KANK1: variants seen among roughly 807,000 people sequenced by gnomAD.
The protein encoded by KANK1 is KN motif and ankyrin repeat domains 1, also known as KN motif and ankyrin repeat domain-containing protein 1.
A neutral mutation model predicts 106.2 loss-of-function variants in KANK1; 109 were observed. The observed-to-expected ratio is 1.03, with a 90% confidence interval of 0.88 to 1.20. The LOEUF (loss-of-function observed/expected upper bound fraction) is 1.20, where lower values mean the gene tolerates loss of function less well. Ranked by LOEUF, KANK1 falls within the 50% of genes most tolerant of loss-of-function variation. The pLI, the probability that KANK1 is intolerant of heterozygous loss-of-function variation, is 0.00. For missense variants in KANK1, 2,399 were observed against 1,710.7 expected (o/e 1.40, Z -7.10); for synonymous variants, 873 against 652.2 (o/e 1.34, Z -5.16).
rs570164658 is a variant in KANK1 at position 727,920 on chromosome 9, A to G, written c.2699-2131A>G. ...TCCCTCCTGTCAGCCAGGGGATTCC[A>G]TAGTAAACCTGAAAAACTAGTTCAG... is the stretch of plus-strand genomic sequence containing the variant. On this transcript the variant is annotated intron_variant, in intron 3 of 11. Coordinates refer to ENST00000382297, the MANE Select transcript of KANK1 (RefSeq NM_015158.5). 5.3e-5 allele frequency among the ~76,000 whole-genome samples: 8 copies of G among 152,296 alleles called. No individual in the cohort carries two copies. The South Asian group carries it at 1.2e-3, about 24-fold the overall frequency.
intron 1 of KANK1, among the ~76,000 whole-genome samples, chr9:574,060 T>C (rs1819897980): frequency 6.6e-6 from 1 of 152,270 alleles, no homozygotes; most frequent in Non-Finnish European, 1.5e-5. Flanking sequence ...TTTGTCTTTA[T>C]TGTACTGGAA....
intron 3 of KANK1, among the ~76,000 whole-genome samples, chr9:722,124 C>G (rs1372436872): frequency 6.6e-6 from 1 of 152,210 alleles, no homozygotes; most frequent in African/African-American, 2.4e-5. Flanking sequence ...GCCAAGCTAA[C>G]TGTGGGTAGA....
chr9:603,644 G>C (rs1026070706), intron 1 of KANK1, among the ~76,000 whole-genome samples: 1 of 151,416 alleles, frequency 6.6e-6, no homozygotes, highest in Non-Finnish European at 1.5e-5. Flanking sequence ...TAATATACTC[G>C]TTTGAATTTT....
At chr9:534,937 C>A (rs141861281) in intron 1 of KANK1, among the ~76,000 whole-genome samples, 2 of 152,118 alleles carry the variant, frequency 1.3e-5, no homozygotes, top group East Asian at 3.9e-4. Context: ...GAGGTTGGGC[C>A]GAGGGGAAGC....
intron 7 of KANK1, chr9:735,878 C>A (rs563474907): frequency 2.7e-5 from 7 of 259,064 alleles, no homozygotes; most frequent in African/African-American, 6.5e-5. Flanking sequence ...CCGTGTAATC[C>A]CAGTTACTCG....
intron 1 of KANK1, among the ~76,000 whole-genome samples, chr9:533,541 C>G (rs2060160312): frequency 6.6e-6 from 1 of 152,216 alleles, no homozygotes; most frequent in Non-Finnish European, 1.5e-5. Flanking sequence ...CTCCAAAACA[C>G]TCTTAGACCA....
intron 1 of KANK1, among the ~76,000 whole-genome samples, chr9:506,361 G>C (rs1463853614): frequency 6.6e-6 from 1 of 152,196 alleles, no homozygotes; most frequent in Non-Finnish European, 1.5e-5. Context: ...AATGAATAAG[G>C]ATGGAAGAGA....
chr9:495,300 A>C (rs1344651902), intron 3 of KANK1: 1 of 152,224 alleles, frequency 6.6e-6, no homozygotes, highest in Non-Finnish European at 1.5e-5. Context: ...AGAAGAAAAA[A>C]GTTGACTTAA....
intron 1 of KANK1, among the ~76,000 whole-genome samples, chr9:603,898 G>T (rs540308048): frequency 6.8e-6 from 1 of 147,886 alleles, no homozygotes; most frequent in South Asian, 2.1e-4. Flanking sequence ...GGCAGAGGTT[G>T]CAGTGAGCCA....
intron 1 of KANK1, among the ~76,000 whole-genome samples, chr9:514,536 A>G (rs779256025): frequency 2.0e-5 from 3 of 150,930 alleles, no homozygotes; most frequent in Non-Finnish European, 4.4e-5. Context: ...TCAGTTTTTG[A>G]ACTTTATGTA....
intron 1 of KANK1, among the ~76,000 whole-genome samples, chr9:611,590 G>A (rs1394367911): frequency 2.6e-5 from 4 of 152,204 alleles, no homozygotes; most frequent in African/African-American, 9.7e-5. Flanking sequence ...TTAGATAGGA[G>A]TGTGTCTAAA....
At chr9:520,641 A>C (rs887075399) in intron 1 of KANK1, among the ~76,000 whole-genome samples, 1 of 151,838 alleles carries the variant, frequency 6.6e-6, no homozygotes, top group African/African-American at 2.4e-5. Context: ...CTGATTCAGA[A>C]ATAGTTTTTA....
At chr9:691,630 T>TTTTTTTTTTTG in intron 2 of KANK1, among the ~76,000 whole-genome samples, 1 of 147,598 alleles carries the variant, frequency 6.8e-6, no homozygotes, top group South Asian at 2.1e-4. Context: ...TTTTTTTTTT[T>TTTTTTTTTTTG]GAGACCAGAG....
At chr9:663,350 AAC>A (rs1474039433) in intron 1 of KANK1, among the ~76,000 whole-genome samples, 5 of 152,202 alleles carry the variant, frequency 3.3e-5, no homozygotes, top group Non-Finnish European at 7.3e-5. Flanking sequence ...AGACCCCACT[AAC>A]ACAGTCATAT....
intron 1 of KANK1, among the ~76,000 whole-genome samples, chr9:510,169 A>G (rs1463398889): frequency 6.6e-6 from 1 of 152,106 alleles, no homozygotes; most frequent in Non-Finnish European, 1.5e-5. Context: ...CATTGGGTTA[A>G]ATTGCAATTC....
chr9:623,088 G>A (rs1043999843), intron 1 of KANK1, among the ~76,000 whole-genome samples: 7 of 151,964 alleles, frequency 4.6e-5, no homozygotes, highest in South Asian at 4.2e-4. Context: ...GCTTCTGCAC[G>A]GCAAAGGAAA....
chr9:743,952 G>T (rs1317991770), intron 10 of KANK1, among the ~76,000 whole-genome samples: 1 of 152,192 alleles, frequency 6.6e-6, no homozygotes, highest in Non-Finnish European at 1.5e-5. Context: ...AAATCAAGCA[G>T]TTAAGTGAAG....
At chr9:592,235 G>T (rs1357507606) in intron 1 of KANK1, among the ~76,000 whole-genome samples, 1 of 151,836 alleles carries the variant, frequency 6.6e-6, no homozygotes. Flanking sequence ...ATAATAAGGG[G>T]ATGTAAAGGA....
intron 2 of KANK1, among the ~76,000 whole-genome samples, chr9:690,023 C>T (rs1281223261): frequency 6.6e-6 from 1 of 150,786 alleles, no homozygotes; most frequent in Non-Finnish European, 1.5e-5. Context: ...CACGGTGGCT[C>T]ATGCCTGTAA....
Sources: allele counts gnomAD v4.1 joint callset (sites outside exome capture counted in the v4.1 genomes callset), GRCh38; gene constraint gnomAD v4.1.1; transcripts MANE v1.5; gene names NCBI Gene and HGNC (gene_info 2026-07-23, HGNC 2026-07-21).